Variants in ME1 observed in about 807,000 individuals in gnomAD.
ME1 encodes the protein NADP-dependent malic enzyme.
In ME1, 74 loss-of-function variants were observed where a neutral mutation model predicts 66.4. That is an observed-to-expected ratio of 1.11 (90% CI 0.92 to 1.35). ME1 has a LOEUF of 1.35. Among genes scored for constraint, ME1 ranks in the 40% most tolerant of loss-of-function variants. The probability of loss-of-function intolerance (pLI) is 0.00; values close to 1 mark genes in which losing one functional copy is unlikely to be tolerated. For missense variants in ME1, 750 were observed against 694.1 expected, an observed-to-expected ratio of 1.08 and a Z score of -0.90; for synonymous variants, 251 against 235.6, an observed-to-expected ratio of 1.07 and a Z score of -0.60.
At chr6:83,363,066 A>G (rs1479872590) in intron 3 of ME1, among the ~76,000 whole-genome samples, 1 of 152,190 alleles carries the variant, frequency 6.6e-6, no homozygotes, top group East Asian at 1.9e-4. Flanking sequence ...ATCAGCGTCC[A>G]ATATATGGCA....
chr6:83,215,019 T>G (rs1241760812), intron 13 of ME1, among the ~76,000 whole-genome samples: 2 of 152,238 alleles, frequency 1.3e-5, no homozygotes, highest in Non-Finnish European at 2.9e-5. Flanking sequence ...GATAATATGC[T>G]ATTCAGTATA....
rs540571071 is a variant in ME1 at position 83,239,868 on chromosome 6, T to G, written c.815-232A>C. Among the ~76,000 whole-genome samples, 3 of 152,218 alleles carry G rather than the reference T, an allele frequency of 2.0e-5. No homozygotes were observed. The East Asian group carries it at 5.8e-4, about 29-fold the overall frequency. On this transcript the variant is annotated intron_variant, in intron 7 of 13. Transcript: ENST00000369705. ...TGAAAACTTCCCTAAAAGAAGATTC[T>G]GTGACTTATCTTAGTGACATAATCA...
chr6:83,303,703 T>TA (rs1222124637), intron 6 of ME1, among the ~76,000 whole-genome samples: 1 of 149,330 alleles, frequency 6.7e-6, no homozygotes, highest in Non-Finnish European at 1.5e-5. Context: ...ATTTTTTTTT[T>TA]ACCACTTTCA....
At chr6:83,272,537 G>A (rs911267820) in intron 6 of ME1, among the ~76,000 whole-genome samples, 1 of 152,064 alleles carries the variant, frequency 6.6e-6, no homozygotes, top group African/African-American at 2.4e-5. Context: ...TTAAAGTCAG[G>A]GAGACTCACA....
intron 6 of ME1, among the ~76,000 whole-genome samples, chr6:83,276,240 C>A (rs1767181570): frequency 6.6e-6 from 1 of 152,122 alleles, no homozygotes; most frequent in South Asian, 2.1e-4. Context: ...GCAGTAATTA[C>A]AAGAAGACTG....
At chr6:83,387,881 C>G (rs1349488127) in intron 3 of ME1, among the ~76,000 whole-genome samples, 1 of 151,954 alleles carries the variant, frequency 6.6e-6, no homozygotes, top group African/African-American at 2.4e-5. Context: ...AAAACAGATA[C>G]CATTCGTGCA....
chr6:83,293,975 T>C (rs909002221), intron 6 of ME1, among the ~76,000 whole-genome samples: 2 of 152,208 alleles, frequency 1.3e-5, no homozygotes, highest in Non-Finnish European at 2.9e-5. Flanking sequence ...GAGACTACAG[T>C]TATAGTCTAA....
intron 5 of ME1, among the ~76,000 whole-genome samples, chr6:83,321,402 A>C (rs999992035): frequency 4.6e-5 from 7 of 152,174 alleles, no homozygotes; most frequent in African/African-American, 1.7e-4. Context: ...GCTAAGATCC[A>C]CTGGCTTGAA....
At position 83,239,563 on chromosome 6, in the gene ME1, T is replaced by C. The variant is rs1790474637; in HGVS notation, c.888A>G (p.Thr296=). The change falls in exon 8 of 14, where the codon ACA becomes ACG. Residue 296 remains threonine, a synonymous_variant. Coordinates refer to ENST00000369705, the MANE Select transcript of ME1 (RefSeq NM_002395.6). The part of the protein sequence containing the change: ...RITKNKLSDQ[T]ILFQGAGEAA... ...CCTCTCCAGCTCCTTGGAATAGTATTGTTTGATCAGACAGTTTGTTCTTGG... is the reference window on the plus strand; with the variant it reads ...CCTCTCCAGCTCCTTGGAATAGTATCGTTTGATCAGACAGTTTGTTCTTGG... 1.2e-6 allele frequency: 2 copies of C among 1,612,978 alleles called. No homozygotes were observed. Among genetic ancestry groups the C allele is most frequent in the African/African-American group, 1.3e-5 (1 of 74,888 alleles).
intron 6 of ME1, among the ~76,000 whole-genome samples, chr6:83,267,089 T>C (rs1405525757): frequency 6.6e-6 from 1 of 152,166 alleles, no homozygotes; most frequent in East Asian, 1.9e-4. Flanking sequence ...AAGGGTAATT[T>C]TGGTAGTTTA....
At chr6:83,392,625 T>C (rs1367767681) in intron 3 of ME1, 3 of 581,030 alleles carry the variant, frequency 5.2e-6, no homozygotes, top group South Asian at 1.4e-5. Flanking sequence ...TTGTTATCAA[T>C]GGAAATCTCA....
chr6:83,305,165 T>G (rs1767801597), intron 6 of ME1, among the ~76,000 whole-genome samples: 1 of 152,134 alleles, frequency 6.6e-6, no homozygotes, highest in Admixed American at 6.6e-5. Flanking sequence ...TTTAAGTATC[T>G]CAATTGAGTT....
chr6:83,261,797 T>C (rs1766896361), intron 6 of ME1, among the ~76,000 whole-genome samples: 1 of 152,018 alleles, frequency 6.6e-6, no homozygotes, highest in South Asian at 2.1e-4. Context: ...ATGGATCACC[T>C]GAGGTCAGGA....
intron 3 of ME1, among the ~76,000 whole-genome samples, chr6:83,356,034 A>G (rs944904151): frequency 1.3e-5 from 2 of 152,150 alleles, no homozygotes; most frequent in Non-Finnish European, 2.9e-5. Context: ...CCTTCAAAAC[A>G]GATTTGGGAG....
chr6:83,269,247 T>C (rs1767045348), intron 6 of ME1, among the ~76,000 whole-genome samples: 2 of 151,234 alleles, frequency 1.3e-5, no homozygotes, highest in Non-Finnish European at 1.5e-5. Context: ...CATTTATGTT[T>C]GTTTTTTTTC....
At chr6:83,361,155 A>T (rs985319825) in intron 3 of ME1, among the ~76,000 whole-genome samples, 1 of 152,216 alleles carries the variant, frequency 6.6e-6, no homozygotes, top group Non-Finnish European at 1.5e-5. Context: ...TAGCAAACAC[A>T]CCGAATGTAT....
rs1198170498 is a variant in ME1 at position 83,287,781 on chromosome 6, G to T, written c.704+27529C>A. Among the ~76,000 whole-genome samples, 3 of 152,174 alleles carry T rather than the reference G, an allele frequency of 2.0e-5. No individual in the cohort carries two copies. The East Asian group carries it at 5.8e-4, about 29-fold the overall frequency. On this transcript the variant is annotated intron_variant, in intron 6 of 13. Transcript: ENST00000369705. ...TTACACTCCCAACAATAGTGTAAAA[G>T]CATTCCTATTTTTCCACAACCTCTC...
At chr6:83,243,096 C>T (rs549410781) in intron 7 of ME1, among the ~76,000 whole-genome samples, 10 of 150,664 alleles carry the variant, frequency 6.6e-5, no homozygotes, top group Admixed American at 2.7e-4. Context: ...ATCTCTACCC[C>T]CCAAAAATTT....
At chr6:83,315,786 A>G (rs1768019975) in intron 5 of ME1, among the ~76,000 whole-genome samples, 1 of 152,112 alleles carries the variant, frequency 6.6e-6, no homozygotes, top group African/African-American at 2.4e-5. Context: ...AGTCCCAGCT[A>G]TTTGGGAGCC....
Sources: allele counts gnomAD v4.1 joint callset (sites outside exome capture counted in the v4.1 genomes callset), GRCh38; gene constraint gnomAD v4.1.1; transcripts MANE v1.5; gene names NCBI Gene and HGNC (gene_info 2026-07-23, HGNC 2026-07-21).